Variants in PDCD10 observed in about 807,000 individuals in gnomAD.
The protein encoded by PDCD10 is programmed cell death protein 10.
A neutral mutation model predicts 29.2 loss-of-function variants in PDCD10; 4 were observed. The observed-to-expected ratio is 0.14, with a 90% CI of 0.07 to 0.31. The LOEUF is 0.31. PDCD10 is among the 10% of genes least tolerant of loss of function. The probability of loss-of-function intolerance (pLI) is 1.00; values close to 1 mark genes in which losing one functional copy is unlikely to be tolerated. For missense variants in PDCD10, 183 were observed against 257.9 expected (o/e 0.71, Z 1.99); for synonymous variants, 70 against 82.2 (o/e 0.85, Z 0.80).
At chr3:167,719,622 A>C (rs1296183515) in intron 3 of PDCD10, among the ~76,000 whole-genome samples, 1 of 152,094 alleles carries the variant, frequency 6.6e-6, no homozygotes, top group Admixed American at 6.6e-5. Flanking sequence ...TGTGCCTGCT[A>C]TTCTGGCTAC....
chr3:167,732,112 A>G (rs989314864), intron 2 of PDCD10, among the ~76,000 whole-genome samples: 5 of 152,230 alleles, frequency 3.3e-5, no homozygotes, highest in African/African-American at 1.2e-4. Context: ...AGTCACGTTA[A>G]GTCTTCTTCT....
At chr3:167,707,152 T>G (rs1473111896) in intron 3 of PDCD10, among the ~76,000 whole-genome samples, 2 of 152,218 alleles carry the variant, frequency 1.3e-5, no homozygotes, top group African/African-American at 4.8e-5. Context: ...GAAAGAAGTC[T>G]TTATAAACAT....
chr3:167,692,276 G>A (rs1720325566), intron 6 of PDCD10, among the ~76,000 whole-genome samples: 1 of 152,156 alleles, frequency 6.6e-6, no homozygotes, highest in Non-Finnish European at 1.5e-5. Flanking sequence ...GAGACCAGAA[G>A]TCTTTAGACC....
At position 167,725,763 on chromosome 3, in the gene PDCD10, T is replaced by A. The variant is rs78629303; in HGVS notation, c.-116-5490A>T. Among the ~76,000 whole-genome samples, 282 of 77,108 alleles carry A rather than the reference T, an allele frequency of 3.7e-3. 23 individuals carry two copies. The East Asian group carries it at 0.084, about 23-fold the overall frequency. The allele number at this position is 77,108 out of a possible 152,430, so 50.6% of individuals were successfully genotyped here. A position where few individuals can be genotyped will look rare whatever the true frequency, so the allele number is the denominator to read the frequency against. ...ATATAGCACTTTACCATTGTATCGT[T>A]TATATATATATATATATATATATAT... is the stretch of plus-strand genomic sequence containing the variant. On this transcript the variant is annotated intron_variant, in intron 2 of 8. Coordinates refer to ENST00000392750, the MANE Select transcript of PDCD10 (RefSeq NM_007217.4).
In PDCD10 at chr3:167,720,051, AC is replaced by A; in HGVS notation, c.96+10del. 1.3e-6 allele frequency: 2 copies of A among 1,504,690 alleles called. No individual in the cohort carries two copies. The highest frequency in any genetic ancestry group is 2.3e-5 in the South Asian group (2 of 88,856). The allele number at this position is 1,504,690 out of a possible 1,614,324, so 93.2% of individuals were successfully genotyped here. ...GCAGAGTTCATGCAAGAACATGTTTACCCAACTCACCTCATTAAACACAGGA... is the reference window on the plus strand; with the variant it reads ...GCAGAGTTCATGCAAGAACATGTTTACCAACTCACCTCATTAAACACAGGA... On this transcript the variant is annotated intron_variant, in intron 3 of 8. Transcript: ENST00000392750.
chr3:167,719,944 C>A (rs1247859585), intron 3 of PDCD10, 118 bp downstream of exon 3: 1 of 785,682 alleles, frequency 1.3e-6, no homozygotes. Flanking sequence ...ATGCCTAACG[C>A]ACCGATAAGA....
At chr3:167,698,854 T>C (rs957168883) in intron 4 of PDCD10, among the ~76,000 whole-genome samples, 2 of 152,162 alleles carry the variant, frequency 1.3e-5, no homozygotes, top group African/African-American at 2.4e-5. Context: ...AAGTTTTCAA[T>C]ACCAAGCTGG....
At chr3:167,726,548 T>G (rs1302323489) in intron 2 of PDCD10, among the ~76,000 whole-genome samples, 1 of 152,206 alleles carries the variant, frequency 6.6e-6, no homozygotes, top group African/African-American at 2.4e-5. Context: ...ATGCTATCAT[T>G]TCAGTTTTGT....
At chr3:167,690,219 G>A (rs1369234203) in intron 6 of PDCD10, among the ~76,000 whole-genome samples, 1 of 152,208 alleles carries the variant, frequency 6.6e-6, no homozygotes, top group Non-Finnish European at 1.5e-5. Flanking sequence ...GAAAGGCAAA[G>A]GCTTCAGATG....
chr3:167,718,750 T>C (rs549331995), intron 3 of PDCD10, among the ~76,000 whole-genome samples: 74 of 151,434 alleles, frequency 4.9e-4, no homozygotes, highest in South Asian at 1.0e-3. Flanking sequence ...AGCAGCTATC[T>C]TGTATGCTGA....
At chr3:167,717,322 A>T (rs1175437326) in intron 3 of PDCD10, among the ~76,000 whole-genome samples, 1 of 152,040 alleles carries the variant, frequency 6.6e-6, no homozygotes, top group African/African-American at 2.4e-5. Flanking sequence ...GCTATCATGG[A>T]TCTAACGTTA....
At position 167,684,392 on chromosome 3, in the gene PDCD10, G is replaced by T; in HGVS notation, c.558-3C>A. ...CACTTACGAACACATTTATTGCCCTGTTTAAAAAGAAAAGAATAAGCATTA... is the reference window on the plus strand; with the variant it reads ...CACTTACGAACACATTTATTGCCCTTTTTAAAAAGAAAAGAATAAGCATTA... On this transcript the variant is annotated splice_region_variant and splice_polypyrimidine_tract_variant and intron_variant, in intron 8 of 8. Transcript: ENST00000392750. 6.4e-7 allele frequency: 1 copy of T among 1,563,160 alleles called. No individual in the cohort carries two copies. Among genetic ancestry groups the T allele is most frequent in the Non-Finnish European group, 8.8e-7 (1 of 1,137,154 alleles).
chr3:167,694,992 T>G (rs1004893441), intron 6 of PDCD10, among the ~76,000 whole-genome samples: 1 of 152,234 alleles, frequency 6.6e-6, no homozygotes, highest in Non-Finnish European at 1.5e-5. Flanking sequence ...AAGATACTTA[T>G]GTAGGGATTA....
At chr3:167,715,300 A>C (rs771735701) in intron 3 of PDCD10, among the ~76,000 whole-genome samples, 45 of 152,086 alleles carry the variant, frequency 3.0e-4, no homozygotes, top group Non-Finnish European at 5.3e-4. Context: ...CAATCATCAA[A>C]CTATGAAACT....
At chr3:167,730,523 A>T (rs1368634109) in intron 2 of PDCD10, among the ~76,000 whole-genome samples, 2 of 152,188 alleles carry the variant, frequency 1.3e-5, no homozygotes, top group Admixed American at 1.3e-4. Context: ...TTAAAAAGTA[A>T]GTTTAGGATT....
intron 2 of PDCD10, among the ~76,000 whole-genome samples, chr3:167,731,835 G>A (rs1031802917): frequency 1.3e-5 from 2 of 152,124 alleles, no homozygotes. Context: ...TGGGAAGGCG[G>A]GCAAGGCTCC....
intron 3 of PDCD10, among the ~76,000 whole-genome samples, chr3:167,706,837 A>G (rs1211071180): frequency 6.6e-6 from 1 of 152,200 alleles, no homozygotes; most frequent in African/African-American, 2.4e-5. Context: ...ATTTATCTAA[A>G]CTGTTCTTAA....
intron 6 of PDCD10, among the ~76,000 whole-genome samples, chr3:167,690,686 A>C (rs1232059991): frequency 2.0e-5 from 3 of 152,072 alleles, no homozygotes; most frequent in African/African-American, 7.2e-5. Flanking sequence ...TTCCTTATCA[A>C]CTCCATTGAG....
chr3:167,713,364 A>T (rs1163235837), intron 3 of PDCD10, among the ~76,000 whole-genome samples: 1 of 152,080 alleles, frequency 6.6e-6, no homozygotes, highest in Non-Finnish European at 1.5e-5. Flanking sequence ...TTAAGAAAGA[A>T]AATGAAAAAT....
Sources: gnomAD v4.1 joint callset for allele counts (sites outside exome capture counted in the v4.1 genomes callset) on GRCh38, gnomAD v4.1.1 for gene constraint, MANE v1.5 for transcripts, NCBI Gene and HGNC (gene_info 2026-07-23, HGNC 2026-07-21) for gene names.